Variants in FAM98A observed in about 807,000 individuals in gnomAD.
FAM98A encodes the protein tRNA splicing ligase complex subunit 3A, also known as protein FAM98A.
Under a neutral mutation model 62.9 loss-of-function variants are expected in FAM98A, and 25 were observed. The ratio of observed to expected loss-of-function variants is 0.40; its 90% CI spans 0.29 to 0.56. The LOEUF is 0.56. Ranked by LOEUF, FAM98A falls within the 20% of genes least tolerant of loss-of-function variation. The probability of loss-of-function intolerance (pLI) is 0.51; values close to 1 mark genes in which losing one functional copy is unlikely to be tolerated. For synonymous variants in FAM98A, 252 were observed against 228.6 expected, an observed-to-expected ratio of 1.10 and a Z score of -0.92; for missense variants, 653 against 640.7, an observed-to-expected ratio of 1.02 and a Z score of -0.21.
chr2:33,593,035 T>G (rs144496947), intron 2 of FAM98A, among the ~76,000 whole-genome samples: 5 of 152,190 alleles, frequency 3.3e-5, no homozygotes, highest in Non-Finnish European at 5.9e-5. Context: ...AAACCTTCCT[T>G]GTACTTGGCT....
At chr2:33,591,681 C>T (rs773724873) in intron 3 of FAM98A, among the ~76,000 whole-genome samples, 10 of 152,188 alleles carry the variant, frequency 6.6e-5, no homozygotes, top group Admixed American at 6.5e-5. Flanking sequence ...AATGCTTACT[C>T]TCCTCAAAGA....
intron 6 of FAM98A, 43 bp downstream of exon 6, chr2:33,586,519 A>G (rs1364080473): frequency 7.9e-7 from 1 of 1,269,922 alleles, no homozygotes; most frequent in African/African-American, 1.5e-5. Flanking sequence ...TTCAGGGATC[A>G]TGTCTATAAA....
Position 33,585,567 on chromosome 2 carries a change from C to CG in FAM98A, c.850_851insC (p.Gly284AlafsTer13). ...ACAGGCAGTCTTTTCTCTTATAGAG[C>CG]CGCTGCTTGTCCTTAAAATCTTTGA... On this transcript the variant is annotated frameshift_variant, in exon 7 of 8. Coordinates refer to ENST00000238823, the MANE Select transcript of FAM98A (RefSeq NM_015475.5). LOFTEE classifies it high-confidence loss of function. The CG allele has an allele frequency of 6.2e-7, 1 of 1,614,140 alleles. No individual in the cohort carries two copies. Among genetic ancestry groups the CG allele is most frequent in the Non-Finnish European group, 8.5e-7 (1 of 1,180,036 alleles).
intron 4 of FAM98A, 182 bp downstream of exon 4, chr2:33,588,153 C>A: frequency 1.7e-6 from 1 of 603,334 alleles, no homozygotes; most frequent in Non-Finnish European, 3.0e-6. Context: ...TAGGAAAATA[C>A]TAAAATACTA....
chr2:33,592,278 AT>A, intron 2 of FAM98A, 64 bp from the exon 3 acceptor site: 1 of 1,259,828 alleles, frequency 7.9e-7, no homozygotes. Context: ...CATAACAATT[AT>A]TATATATAAT....
Position 33,588,373 on chromosome 2 carries a change from T to A in FAM98A, c.484A>T (p.Ile162Leu). The change falls in exon 4 of 8, where the codon ATA becomes TTA. Residue 162 changes from isoleucine (I) to leucine (L), a missense_variant. Coordinates refer to ENST00000238823, the MANE Select transcript of FAM98A (RefSeq NM_015475.5). ...CCGCTGAAGAATTGGAACATAGTTA[T>A]ATTGGCTGGAGGTTTGGACATTCCT... ...ALGMSKPPAN[I>L]TMFQFFSGIE... The A allele has an allele frequency of 6.2e-7, 1 of 1,613,542 alleles. No individual in the cohort carries two copies. The highest frequency in any genetic ancestry group is 8.5e-7 in the Non-Finnish European group (1 of 1,179,672).
chr2:33,593,433 T>C (rs1467636889), intron 2 of FAM98A, among the ~76,000 whole-genome samples: 1 of 152,070 alleles, frequency 6.6e-6, no homozygotes, highest in African/African-American at 2.4e-5. Context: ...ACTGTACTTA[T>C]CTCCAGTTGT....
Position 33,599,291 on chromosome 2 carries a change from T to G in FAM98A, c.-70A>C. ...CGCCGGCAACGCGTACACTCGCGCA[T>G]GCGCGACTTCCCCGGAACTTCCAAA... is the stretch of plus-strand genomic sequence containing the variant. On this transcript the variant is annotated 5_prime_UTR_variant, in exon 1 of 8. It removes an upstream start codon present in the reference 5' UTR. Transcript: ENST00000238823. 2 of 1,303,664 alleles carry G rather than the reference T, an allele frequency of 1.5e-6. No individual in the cohort carries two copies. The highest frequency in any genetic ancestry group is 2.9e-5 in the African/African-American group (2 of 69,048). The allele number at this position is 1,303,664 out of a possible 1,614,324, so 80.8% of individuals were successfully genotyped here. A position where few individuals can be genotyped will look rare whatever the true frequency, so the allele number is the denominator to read the frequency against.
rs1345884112 is a variant in FAM98A, at chr2:33,584,760, G to T, written c.*16C>A. On this transcript the variant is annotated 3_prime_UTR_variant, in exon 8 of 8. Coordinates refer to ENST00000238823, the MANE Select transcript of FAM98A (RefSeq NM_015475.5). ...TCTATTACTTGAGCTCTAGCAAAAT[G>T]TAAGGTTCGGTAGCCTCAACTAGTG... 2 of 1,560,156 alleles carry T rather than the reference G, an allele frequency of 1.3e-6. No homozygotes were observed. Among genetic ancestry groups the T allele is most frequent in the African/African-American group, 2.7e-5 (2 of 73,396 alleles).
intron 1 of FAM98A, 73 bp downstream of exon 1, chr2:33,599,096 A>G: frequency 7.8e-7 from 1 of 1,281,644 alleles, no homozygotes; most frequent in Non-Finnish European, 1.1e-6. Flanking sequence ...GGTGTCTCAG[A>G]CTGGGGCGCA....
intron 5 of FAM98A, chr2:33,586,974 C>G (rs372446870): frequency 3.9e-6 from 2 of 514,898 alleles, no homozygotes; most frequent in Non-Finnish European, 6.8e-6. Context: ...CATTTGGCAA[C>G]GAGAAACATG....
intron 2 of FAM98A, among the ~76,000 whole-genome samples, chr2:33,592,425 G>C (rs1677691871): frequency 6.6e-6 from 1 of 151,920 alleles, no homozygotes; most frequent in Non-Finnish European, 1.5e-5. Context: ...GAGTGCAGTG[G>C]TGTGATCAGG....
intron 2 of FAM98A, among the ~76,000 whole-genome samples, chr2:33,594,535 TAAAAAAAAAAAA>T (rs1160445620): frequency 2.9e-5 from 1 of 34,308 alleles, no homozygotes; most frequent in East Asian, 7.9e-4. Context: ...AACATAAAGT[TAAAAAAAAAAAA>T]AAAAAAAAAA....
chr2:33,596,781 A>G (rs979282692), intron 1 of FAM98A, among the ~76,000 whole-genome samples: 11 of 151,438 alleles, frequency 7.3e-5, no homozygotes, highest in Non-Finnish European at 1.5e-4. Flanking sequence ...AGTCTCAGCT[A>G]CTCAGGAGGC....
intron 2 of FAM98A, among the ~76,000 whole-genome samples, chr2:33,594,777 G>C (rs1165834465): frequency 6.6e-6 from 1 of 151,414 alleles, no homozygotes; most frequent in Admixed American, 6.6e-5. Context: ...GGAAAAAAAG[G>C]AATTATATGT....
At chr2:33,589,133 C>A (rs1335896526) in intron 3 of FAM98A, 3 of 152,212 alleles carry the variant, frequency 2.0e-5, no homozygotes, top group African/African-American at 7.2e-5. Context: ...CATCTATATT[C>A]TTCTCAGGAC....
intron 3 of FAM98A, 138 bp from the exon 4 acceptor site, chr2:33,588,657 A>G (rs1677609559): frequency 2.0e-6 from 1 of 504,558 alleles, no homozygotes; most frequent in Admixed American, 3.7e-5. Flanking sequence ...AAGAAAAACT[A>G]CTTTTACCTG....
At chr2:33,596,991 A>C (rs573513144) in intron 1 of FAM98A, among the ~76,000 whole-genome samples, 2 of 152,254 alleles carry the variant, frequency 1.3e-5, no homozygotes, top group African/African-American at 4.8e-5. Flanking sequence ...ATAGGTTTAT[A>C]CAGTATATGC....
chr2:33,591,970 T>G, intron 3 of FAM98A, 110 bp downstream of exon 3: 1 of 1,002,492 alleles, frequency 1.0e-6, no homozygotes, highest in Non-Finnish European at 1.5e-6. Flanking sequence ...AAAATGAATT[T>G]TGAATTACAT....
Sources: allele counts gnomAD v4.1 joint callset (sites outside exome capture counted in the v4.1 genomes callset), GRCh38; gene constraint gnomAD v4.1.1; transcripts MANE v1.5; gene names NCBI Gene and HGNC (gene_info 2026-07-23, HGNC 2026-07-21).